Variants in LDHAL6B observed in about 807,000 individuals in gnomAD.
LDHAL6B encodes the protein L-lactate dehydrogenase A-like 6B.
For synonymous variants in LDHAL6B, 205 were observed against 170.6 expected, an observed-to-expected ratio of 1.20 and a Z score of -1.57; for missense variants, 523 against 473.9, an observed-to-expected ratio of 1.10 and a Z score of -0.96.
chr15:59,207,093 G>C lies in LDHAL6B; in HGVS notation c.153G>C (p.Ala51=), dbSNP rs778986327. Residue 51 remains alanine (A), a synonymous_variant, in exon 1 of 1, where the codon GCG becomes GCC. Transcript: ENST00000307144. The stretch of plus-strand genomic sequence containing the variant: ...TCTTCACCCCCGTGAGCAAGATGGC[G>C]ACTGTGAAGAGTGAGCTTATTGAGC... ...TWLFTPVSKM[A]TVKSELIERF... 2 of 1,614,086 alleles carry C rather than the reference G, an allele frequency of 1.2e-6. No individual in the cohort carries two copies. The highest frequency in any genetic ancestry group is 4.5e-5 in the East Asian group (2 of 44,892).
chr15:59,208,121 G>T lies in LDHAL6B; in HGVS notation c.*35G>T. 1 of 1,521,030 alleles carries T rather than the reference G, an allele frequency of 6.6e-7. No individual in the cohort carries two copies. The highest frequency in any genetic ancestry group is 1.3e-5 in the South Asian group (1 of 74,624). 94.2% of individuals were successfully genotyped at this position (1,521,030 alleles called of 1,614,324 possible). ...AAACTACCATTCCGAAATTATTGAA[G>T]AGATCATAGATACAGGATTATATAA... On this transcript the variant is annotated 3_prime_UTR_variant, in exon 1 of 1. Transcript: ENST00000307144.
In LDHAL6B at chr15:59,208,130, G is replaced by C. The variant is rs749626516; in HGVS notation, c.*44G>C. On this transcript the variant is annotated 3_prime_UTR_variant, in exon 1 of 1. Coordinates refer to ENST00000307144, the MANE Select transcript of LDHAL6B (RefSeq NM_033195.3). ...TTCCGAAATTATTGAAGAGATCATA[G>C]ATACAGGATTATATAACGAAATTTT... 1 of 1,498,990 alleles carries C rather than the reference G, an allele frequency of 6.7e-7. No homozygotes were observed. The highest frequency in any genetic ancestry group is 1.4e-5 in the South Asian group (1 of 72,676). 92.9% of individuals were successfully genotyped at this position (1,498,990 alleles called of 1,614,324 possible).
chr15:59,208,030 C>T lies in LDHAL6B; in HGVS notation c.1090C>T (p.His364Tyr). 2 of 1,590,506 alleles carry T rather than the reference C, an allele frequency of 1.3e-6. No homozygotes were observed. The highest frequency in any genetic ancestry group is 1.7e-6 in the Non-Finnish European group (2 of 1,174,180). The stretch of plus-strand genomic sequence containing the variant: ...AAAGCTGACCCCTGAAGAAGAGGCC[C>T]ATCTGAAAAAAAGTGCAAAAACACT... Reference protein sequence around the residue: ...KIKLTPEEEAHLKKSAKTLWE... With the variant: ...KIKLTPEEEAYLKKSAKTLWE... Residue 364 changes from histidine to tyrosine, a missense_variant, in exon 1 of 1, where the codon CAT (histidine) becomes TAT (tyrosine). His to Tyr is a moderately conservative substitution (Grantham distance 83, BLOSUM62 2). Coordinates refer to ENST00000307144, the MANE Select transcript of LDHAL6B (RefSeq NM_033195.3).
rs776712456 is a variant in LDHAL6B, at chr15:59,207,601, T to A, written c.661T>A (p.Phe221Ile). 1 of 1,614,170 alleles carries A rather than the reference T, an allele frequency of 6.2e-7. No individual in the cohort carries two copies. The highest frequency in any genetic ancestry group is 1.1e-5 in the South Asian group (1 of 91,082). ...GCNLDTARFR[F>I]LIGQKLGIHS... Reference sequence around the variant, plus strand: ...TAATCTGGATACTGCTCGTTTTCGTTTCTTGATTGGACAAAAGCTTGGTAT... The same window carrying A: ...TAATCTGGATACTGCTCGTTTTCGTATCTTGATTGGACAAAAGCTTGGTAT... Residue 221 changes from phenylalanine (F) to isoleucine (I), a missense_variant, in exon 1 of 1, where the codon TTC becomes ATC. By Grantham distance (21) the Phe-to-Ile change is conservative (BLOSUM62 0). Coordinates refer to ENST00000307144, the MANE Select transcript of LDHAL6B (RefSeq NM_033195.3).
chr15:59,208,344 G>C lies in LDHAL6B; in HGVS notation c.*258G>C, dbSNP rs61438122. On this transcript the variant is annotated 3_prime_UTR_variant, in exon 1 of 1. Coordinates refer to ENST00000307144, the MANE Select transcript of LDHAL6B (RefSeq NM_033195.3). ...GTTATATATATGTAGTTGGCATTTG[G>C]TTCCCAAAAAGTAGGATGTAGGTAT... 29,075 of 552,978 alleles carry C rather than the reference G, an allele frequency of 0.053. 936 individuals carry two copies. The highest frequency in any genetic ancestry group is 0.081 in the African/African-American group (4,272 of 52,776). 34.3% of individuals were successfully genotyped at this position (552,978 alleles called of 1,614,324 possible). A position where few individuals can be genotyped will look rare whatever the true frequency, so the allele number is the denominator to read the frequency against.
At position 59,208,238 on chromosome 15, in the gene LDHAL6B, A is replaced by G. The variant is rs1489385808; in HGVS notation, c.*152A>G. ...ATTTATTTAGTCCTCCAGCTCTTTT[A>G]TTGAGCATCCACGTGCTGGACGATA... On this transcript the variant is annotated 3_prime_UTR_variant, in exon 1 of 1. Transcript: ENST00000307144. 8.5e-6 allele frequency: 6 copies of G among 703,330 alleles called. No homozygotes were observed. In the Admixed American group the frequency reaches 1.0e-4, roughly 12 times the overall value. 43.6% of individuals were successfully genotyped at this position (703,330 alleles called of 1,614,324 possible).
chr15:59,207,197 T>C lies in LDHAL6B; in HGVS notation c.257T>C (p.Ile86Thr), dbSNP rs747153483. The C allele has an allele frequency of 6.2e-7, 1 of 1,614,224 alleles. No individual in the cohort carries two copies. The highest frequency in any genetic ancestry group is 1.1e-5 in the South Asian group (1 of 91,088). ...GGATCGGTGGGCATGGCCTGCGCTATCAGCATCTTATTAAAAGGCTTGAGT... is the reference window on the plus strand; with the variant it reads ...GGATCGGTGGGCATGGCCTGCGCTACCAGCATCTTATTAAAAGGCTTGAGT... Reference protein sequence around the residue: ...GTGSVGMACAISILLKGLSDE... With the variant: ...GTGSVGMACATSILLKGLSDE... The change falls in exon 1 of 1, where the codon ATC becomes ACC. Residue 86 changes from isoleucine (I) to threonine (T), a missense_variant. Physicochemically the swap from Ile to Thr is moderately conservative, Grantham distance 89. Transcript: ENST00000307144.
Position 59,208,392 on chromosome 15 carries a change from A to G in LDHAL6B, c.*306A>G. On this transcript the variant is annotated 3_prime_UTR_variant, in exon 1 of 1. Transcript: ENST00000307144. ...TATTTATTGTGTTCTAGAAATTCCG[A>G]CTCTTTTCATTAGATATATGCTATT... The G allele has an allele frequency of 1.8e-6, 1 of 556,742 alleles. No homozygotes were observed. Among genetic ancestry groups the G allele is most frequent in the South Asian group, 2.3e-5 (1 of 43,540 alleles). The allele number at this position is 556,742 out of a possible 1,614,324, so 34.5% of individuals were successfully genotyped here.
chr15:59,208,557 G>C lies in LDHAL6B; in HGVS notation c.*471G>C. 1 of 1,217,706 alleles carries C rather than the reference G, an allele frequency of 8.2e-7. No homozygotes were observed. The highest frequency in any genetic ancestry group is 1.7e-5 in the Admixed American group (1 of 58,008). 75.4% of individuals were successfully genotyped at this position (1,217,706 alleles called of 1,614,324 possible). A position where few individuals can be genotyped will look rare whatever the true frequency, so the allele number is the denominator to read the frequency against. ...ATCTTTTGTTTTGCTTCCTTTGATAGTTAATAAATTCCGTTTGTTGAATCA... is the reference window on the plus strand; with the variant it reads ...ATCTTTTGTTTTGCTTCCTTTGATACTTAATAAATTCCGTTTGTTGAATCA... On this transcript the variant is annotated 3_prime_UTR_variant, in exon 1 of 1. Coordinates refer to ENST00000307144, the MANE Select transcript of LDHAL6B (RefSeq NM_033195.3).
In LDHAL6B at chr15:59,208,010, T is replaced by C; in HGVS notation, c.1070T>C (p.Leu357Pro). The change falls in exon 1 of 1, where the codon CTG becomes CCG. Residue 357 changes from leucine (L) to proline (P), a missense_variant. Physicochemically the swap from Leu to Pro is moderately conservative, Grantham distance 98. Transcript: ENST00000307144. ...NGITNLIKIKLTPEEEAHLKK... is the reference protein window; with the variant it reads ...NGITNLIKIKPTPEEEAHLKK... ...ATTACCAACCTTATAAAGATAAAGC[T>C]GACCCCTGAAGAAGAGGCCCATCTG... The C allele has an allele frequency of 1.9e-6, 3 of 1,610,574 alleles. No homozygotes were observed. Among genetic ancestry groups the C allele is most frequent in the Non-Finnish European group, 2.5e-6 (3 of 1,179,174 alleles).
In LDHAL6B at chr15:59,208,508, CA is replaced by C. The variant is rs1415595979; in HGVS notation, c.*429del. ...TACAATGTAAAAATAAATGTACATA[CA>C]AAAAAATGCAGTAGTATATACAATC... On this transcript the variant is annotated 3_prime_UTR_variant, in exon 1 of 1. Coordinates refer to ENST00000307144, the MANE Select transcript of LDHAL6B (RefSeq NM_033195.3). 29 of 748,078 alleles carry C rather than the reference CA, an allele frequency of 3.9e-5. No homozygotes were observed. The highest frequency in any genetic ancestry group is 1.6e-4 in the African/African-American group (9 of 56,210). The allele number at this position is 748,078 out of a possible 1,614,324, so 46.3% of individuals were successfully genotyped here. A position where few individuals can be genotyped will look rare whatever the true frequency, so the allele number is the denominator to read the frequency against.
chr15:59,207,061 AC>A, the LDHAL6B span: 1 of 1,614,142 alleles, frequency 6.2e-7, no homozygotes. Context: ...GCTCAACGGC[AC>A]CTGGCTCTTC....
chr15:59,207,497 C>T lies in LDHAL6B; in HGVS notation c.557C>T (p.Ser186Phe). 6.2e-7 allele frequency: 1 copy of T among 1,614,008 alleles called. No homozygotes were observed. The highest frequency in any genetic ancestry group is 1.1e-5 in the South Asian group (1 of 91,082). Residue 186 changes from serine (S) to phenylalanine (F), a missense_variant, in exon 1 of 1, where the codon TCC (serine) becomes TTC (phenylalanine). Ser to Phe is a radical substitution (Grantham distance 155, BLOSUM62 -2). Transcript: ENST00000307144. ...YSPHCKLIIV[S>F]NPVDILTYVA... ...CCCCACTGCAAACTGATTATTGTTT[C>T]CAATCCAGTGGATATCTTAACTTAT...
At chr15:59,208,035 GA>G in the LDHAL6B span, 3 of 1,587,616 alleles carry the variant, frequency 1.9e-6, no homozygotes, top group Non-Finnish European at 2.6e-6. Flanking sequence ...AGGCCCATCT[GA>G]AAAAAAGTGC....
chr15:59,208,123 G>T lies in LDHAL6B; in HGVS notation c.*37G>T. ...ACTACCATTCCGAAATTATTGAAGAGATCATAGATACAGGATTATATAACG... is the reference window on the plus strand; with the variant it reads ...ACTACCATTCCGAAATTATTGAAGATATCATAGATACAGGATTATATAACG... On this transcript the variant is annotated 3_prime_UTR_variant, in exon 1 of 1. Transcript: ENST00000307144. The T allele has an allele frequency of 6.6e-7, 1 of 1,515,012 alleles. No homozygotes were observed. Among genetic ancestry groups the T allele is most frequent in the Non-Finnish European group, 8.8e-7 (1 of 1,131,344 alleles). The allele number at this position is 1,515,012 out of a possible 1,614,324, so 93.8% of individuals were successfully genotyped here.
rs759989082 is a variant in LDHAL6B, at chr15:59,207,777, C to T, written c.837C>T (p.Val279=). The T allele has an allele frequency of 4.3e-6, 7 of 1,614,092 alleles. No homozygotes were observed. In the Admixed American group the frequency reaches 1.0e-4, roughly 23 times the overall value. ...AAGATCCTGAGCAATGGAAAAATGT[C>T]CACAAAGAAGTGACTGCAACTGCCT... ...TDKDPEQWKN[V]HKEVTATAYE... Residue 279 remains valine, a synonymous_variant, in exon 1 of 1, where the codon GTC becomes GTT. Transcript: ENST00000307144.
In LDHAL6B at chr15:59,207,544, T is replaced by C. The variant is rs760987292; in HGVS notation, c.604T>C (p.Phe202Leu). 1 of 1,613,976 alleles carries C rather than the reference T, an allele frequency of 6.2e-7. No individual in the cohort carries two copies. Among genetic ancestry groups the C allele is most frequent in the Non-Finnish European group, 8.5e-7 (1 of 1,179,968 alleles). Residue 202 changes from phenylalanine to leucine, a missense_variant, in exon 1 of 1, where the codon TTT becomes CTT. Coordinates refer to ENST00000307144, the MANE Select transcript of LDHAL6B (RefSeq NM_033195.3). ...LTYVAWKLSA[F>L]PKNRIIGSGC... ...TTATGTAGCTTGGAAGTTGAGTGCA[T>C]TTCCCAAAAACCGTATTATTGGAAG...
In LDHAL6B at chr15:59,207,658, G is replaced by A. The variant is rs753041468; in HGVS notation, c.718G>A (p.Gly240Arg). Residue 240 changes from glycine to arginine, a missense_variant, in exon 1 of 1, where the codon GGA (glycine) becomes AGA (arginine). Physicochemically the swap from Gly to Arg is moderately radical, Grantham distance 125 (BLOSUM62 -2). Coordinates refer to ENST00000307144, the MANE Select transcript of LDHAL6B (RefSeq NM_033195.3). ...HSESCHGWIL[G>R]EHGDSSVPVW... ...TGAAAGCTGCCATGGATGGATCCTC[G>A]GAGAGCATGGAGACTCAAGTGTTCC... 3.6e-5 allele frequency: 58 copies of A among 1,614,020 alleles called. No individual in the cohort carries two copies. The highest frequency in any genetic ancestry group is 6.7e-5 in the East Asian group (3 of 44,904).
At position 59,208,237 on chromosome 15, in the gene LDHAL6B, T is replaced by C. The variant is rs1242692005; in HGVS notation, c.*151T>C. 8.5e-6 allele frequency: 6 copies of C among 707,408 alleles called. No individual in the cohort carries two copies. The highest frequency in any genetic ancestry group is 1.4e-5 in the Non-Finnish European group (6 of 435,876). The allele number at this position is 707,408 out of a possible 1,614,324, so 43.8% of individuals were successfully genotyped here. A position where few individuals can be genotyped will look rare whatever the true frequency, so the allele number is the denominator to read the frequency against. Reference sequence around the variant, plus strand: ...TATTTATTTAGTCCTCCAGCTCTTTTATTGAGCATCCACGTGCTGGACGAT... The same window carrying C: ...TATTTATTTAGTCCTCCAGCTCTTTCATTGAGCATCCACGTGCTGGACGAT... On this transcript the variant is annotated 3_prime_UTR_variant, in exon 1 of 1. Transcript: ENST00000307144.
Sources: allele counts gnomAD v4.1 joint callset, GRCh38; gene constraint gnomAD v4.1.1; transcripts MANE v1.5; gene names NCBI Gene and HGNC (gene_info 2026-07-23, HGNC 2026-07-21).